IL17D: variants seen among roughly 807,000 people sequenced by gnomAD.
IL17D encodes the protein interleukin 17D, also known as interleukin-17D.
A neutral mutation model predicts 5.7 loss-of-function variants in IL17D; 10 were observed. The ratio of observed to expected loss-of-function variants is 1.75; its 90% confidence interval spans 1.08 to 2.97. The LOEUF (loss-of-function observed/expected upper bound fraction) is 2.97, where lower values mean the gene tolerates loss of function less well. Ranked by LOEUF, IL17D falls within the 30% of genes most tolerant of loss-of-function variation. IL17D has a pLI of 0.00. For missense variants in IL17D, 354 were observed against 292.7 expected (o/e 1.21, Z -1.53); for synonymous variants, 172 against 141.7 (o/e 1.21, Z -1.52).
At chr13:20,707,839 G>A (rs2058602423) in intron 1 of IL17D, among the ~76,000 whole-genome samples, 1 of 152,096 alleles carries the variant, frequency 6.6e-6, no homozygotes, top group Non-Finnish European at 1.5e-5. Context: ...CTTGTTCCTT[G>A]GTGGAGTGTC....
chr13:20,704,254 C>A lies in IL17D; in HGVS notation c.253C>A (p.Pro85Thr). ...GRPADRRFRP[P>T]TNLRSVSPWA... ...GCCCGCCGACCGCCGCTTCCGGCCG[C>A]CCACCAACCTGCGCAGCGTGTCGCC... Residue 85 changes from proline (P) to threonine (T), a missense_variant, in exon 1 of 2, where the codon CCC becomes ACC. Physicochemically the swap from Pro to Thr is conservative, Grantham distance 38. Coordinates refer to ENST00000682841, the MANE Select transcript of IL17D (RefSeq NM_001385224.1). 1 of 1,304,174 alleles carries A rather than the reference C, an allele frequency of 7.7e-7. No homozygotes were observed. 80.8% of individuals were successfully genotyped at this position (1,304,174 alleles called of 1,614,324 possible). A position where few individuals can be genotyped will look rare whatever the true frequency, so the allele number is the denominator to read the frequency against.
Position 20,721,821 on chromosome 13 carries a change from C to T in IL17D, c.476C>T (p.Ala159Val). ...GGCGGCCGTTCCGTCTACACCGAGG[C>T]CTACGTCACCATCCCCGTGGGCTGC... is the stretch of plus-strand genomic sequence containing the variant. Reference protein sequence around the residue: ...CAGGRSVYTEAYVTIPVGCTC... With the variant: ...CAGGRSVYTEVYVTIPVGCTC... The change falls in exon 2 of 2, where the codon GCC becomes GTC. Residue 159 changes from alanine (A) to valine (V), a missense_variant. Physicochemically the swap from Ala to Val is moderately conservative, Grantham distance 64 (BLOSUM62 0). Coordinates refer to ENST00000682841, the MANE Select transcript of IL17D (RefSeq NM_001385224.1). 6.2e-7 allele frequency: 1 copy of T among 1,610,546 alleles called. No homozygotes were observed. Among genetic ancestry groups the T allele is most frequent in the Admixed American group, 1.7e-5 (1 of 60,008 alleles).
chr13:20,721,672 G>A lies in IL17D; in HGVS notation c.327G>A (p.Leu109=), dbSNP rs201217435. ...ACCCGGCGAGGTACCCCAGGTACCT[G>A]CCTGAAGCCTACTGCCTGTGCCGGG... ...SYDPARYPRY[L]PEAYCLCRGC... is the part of the protein sequence containing the mutation. Residue 109 remains leucine, a synonymous_variant, in exon 2 of 2, where the codon CTG becomes CTA. Coordinates refer to ENST00000682841, the MANE Select transcript of IL17D (RefSeq NM_001385224.1). 307 of 1,609,566 alleles carry A rather than the reference G, an allele frequency of 1.9e-4. 1 individual carries two copies. In the East Asian group the frequency reaches 6.7e-3, roughly 35 times the overall value.
intron 1 of IL17D, among the ~76,000 whole-genome samples, chr13:20,708,248 A>G (rs1339449045): frequency 1.3e-5 from 2 of 152,206 alleles, no homozygotes; most frequent in African/African-American, 4.8e-5. Context: ...AGAAAGACAG[A>G]TAGGGAGATG....
intron 1 of IL17D, among the ~76,000 whole-genome samples, chr13:20,705,254 G>A (rs1159887907): frequency 3.3e-5 from 5 of 150,758 alleles, no homozygotes; most frequent in Non-Finnish European, 7.4e-5. Context: ...GGAAGGGACA[G>A]CTGATAGCAA....
intron 1 of IL17D, among the ~76,000 whole-genome samples, chr13:20,719,925 G>A (rs1481911451): frequency 3.3e-5 from 5 of 152,194 alleles, no homozygotes; most frequent in African/African-American, 4.8e-5. Flanking sequence ...GGACACCCCC[G>A]GCTTGTGTTC....
chr13:20,722,255 G>GA lies in IL17D; in HGVS notation c.*302dup, dbSNP rs1281964624. On this transcript the variant is annotated 3_prime_UTR_variant, in exon 2 of 2. Transcript: ENST00000682841. ...GAAAAGTTCACGGAGGCTCCCTGAGGAGCCTCTCAGATCGGCTGCTGCGGG... is the reference window on the plus strand; with the variant it reads ...GAAAAGTTCACGGAGGCTCCCTGAGGAAGCCTCTCAGATCGGCTGCTGCGGG... 2.6e-6 allele frequency: 1 copy of GA among 380,042 alleles called. No individual in the cohort carries two copies. Among genetic ancestry groups the GA allele is most frequent in the Non-Finnish European group, 4.7e-6 (1 of 213,138 alleles). The allele number at this position is 380,042 out of a possible 1,614,324, so 23.5% of individuals were successfully genotyped here.
chr13:20,709,031 C>T (rs182909269), intron 1 of IL17D, among the ~76,000 whole-genome samples: 9 of 150,038 alleles, frequency 6.0e-5, no homozygotes, highest in African/African-American at 1.7e-4. Flanking sequence ...GAGCAAAGAT[C>T]GGGACTGTTC....
At chr13:20,719,267 A>AC (rs1426216645) in intron 1 of IL17D, among the ~76,000 whole-genome samples, 1 of 114,754 alleles carries the variant, frequency 8.7e-6, no homozygotes, top group African/African-American at 3.4e-5. Flanking sequence ...GCCCACACAC[A>AC]CCCCCACACC....
chr13:20,720,642 C>A (rs1471264507), intron 1 of IL17D, among the ~76,000 whole-genome samples: 1 of 152,212 alleles, frequency 6.6e-6, no homozygotes, highest in Non-Finnish European at 1.5e-5. Flanking sequence ...CTGATCCCTG[C>A]GCTGCCCCAT....
Position 20,703,966 on chromosome 13 carries a change from T to C in IL17D, c.-36T>C. On this transcript the variant is annotated 5_prime_UTR_variant, in exon 1 of 2. Transcript: ENST00000682841. Reference sequence around the variant, plus strand: ...GGCGCAGGCGGGCTCCTCCGGCGCGTGCGGACGCTGAGCGTGGCCTGTCCC... The same window carrying C: ...GGCGCAGGCGGGCTCCTCCGGCGCGCGCGGACGCTGAGCGTGGCCTGTCCC... 2 of 997,138 alleles carry C rather than the reference T, an allele frequency of 2.0e-6. No individual in the cohort carries two copies. The highest frequency in any genetic ancestry group is 2.4e-6 in the Non-Finnish European group (2 of 838,932). 61.8% of individuals were successfully genotyped at this position (997,138 alleles called of 1,614,324 possible).
At chr13:20,705,852 C>G (rs1258989334) in intron 1 of IL17D, among the ~76,000 whole-genome samples, 1 of 152,084 alleles carries the variant, frequency 6.6e-6, no homozygotes, top group Non-Finnish European at 1.5e-5. Context: ...TCAGGCAGCG[C>G]GGTGGGAAGG....
At chr13:20,705,741 G>C (rs370221456) in intron 1 of IL17D, among the ~76,000 whole-genome samples, 2 of 152,158 alleles carry the variant, frequency 1.3e-5, no homozygotes, top group Non-Finnish European at 2.9e-5. Flanking sequence ...ACTTGAGATG[G>C]AGGAAGCCAT....
At chr13:20,719,917 A>G (rs2058717758) in intron 1 of IL17D, among the ~76,000 whole-genome samples, 2 of 152,134 alleles carry the variant, frequency 1.3e-5, no homozygotes, top group Admixed American at 1.3e-4. Flanking sequence ...CCCAGCCAGG[A>G]CACCCCCGGC....
Position 20,716,597 on chromosome 13 carries a change from G to A in IL17D, c.291-5039G>A, listed in dbSNP as rs891786463. On this transcript the variant is annotated intron_variant, in intron 1 of 1. Coordinates refer to ENST00000682841, the MANE Select transcript of IL17D (RefSeq NM_001385224.1). The surrounding 1 kb of genome is among the most constrained non-coding windows in gnomAD (Gnocchi z 4.2). ...GGAGTTCTCTGCCCAAGGTTACTGG[G>A]TGGTGACTAAGTTGGGCTACAGTTT... is the stretch of plus-strand genomic sequence containing the variant. Among the ~76,000 whole-genome samples the A allele has an allele frequency of 1.3e-5, 2 of 152,172 alleles. No homozygotes were observed. Among genetic ancestry groups the A allele is most frequent in the African/African-American group, 4.8e-5 (2 of 41,428 alleles).
rs970404792 is a variant in IL17D at position 20,722,325 on chromosome 13, A to G, written c.*371A>G. The G allele has an allele frequency of 1.6e-5, 4 of 247,102 alleles. No individual in the cohort carries two copies. The highest frequency in any genetic ancestry group is 5.3e-5 in the Admixed American group (1 of 18,846). The allele number at this position is 247,102 out of a possible 1,614,324, so 15.3% of individuals were successfully genotyped here. On this transcript the variant is annotated 3_prime_UTR_variant, in exon 2 of 2. Coordinates refer to ENST00000682841, the MANE Select transcript of IL17D (RefSeq NM_001385224.1). Reference sequence around the variant, plus strand: ...CTGGGTGCTTGCCAAAGAGATAGGGACGCATATGCTTTTTAAAGCAATCTA... The same window carrying G: ...CTGGGTGCTTGCCAAAGAGATAGGGGCGCATATGCTTTTTAAAGCAATCTA...
chr13:20,721,564 C>A, intron 1 of IL17D, 72 bp from the exon 2 acceptor site: 1 of 1,362,020 alleles, frequency 7.3e-7, no homozygotes, highest in Non-Finnish European at 1.0e-6. Context: ...CCCGGTGACT[C>A]TAACCAGGGA....
At chr13:20,718,133 C>T (rs1372111565) in intron 1 of IL17D, among the ~76,000 whole-genome samples, 3 of 152,070 alleles carry the variant, frequency 2.0e-5, no homozygotes, top group African/African-American at 4.8e-5. Context: ...GGTTTTCCTG[C>T]GGCACATCCT....
chr13:20,714,385 C>T (rs1276500587), intron 1 of IL17D, among the ~76,000 whole-genome samples: 7 of 152,220 alleles, frequency 4.6e-5, no homozygotes, highest in South Asian at 2.1e-4. Flanking sequence ...CTGTTATTAC[C>T]GTGAGGCTTA....
Sources: gnomAD v4.1 joint callset for allele counts (sites outside exome capture counted in the v4.1 genomes callset) on GRCh38, gnomAD v4.1.1 for gene constraint, Gnocchi (gnomAD v3.1) non-coding constraint, MANE v1.5 for transcripts, NCBI Gene and HGNC (gene_info 2026-07-23, HGNC 2026-07-21) for gene names.